FAR1: variants seen among roughly 807,000 people sequenced by gnomAD.
FAR1 encodes the protein fatty acyl-CoA reductase 1.
Under a neutral mutation model 61.1 loss-of-function variants are expected in FAR1, and 22 were observed. That is an observed-to-expected ratio of 0.36 (90% confidence interval 0.26 to 0.51). The LOEUF (loss-of-function observed/expected upper bound fraction) is 0.51. Among genes scored for constraint, FAR1 ranks in the 20% least tolerant of loss-of-function variants. The pLI, the probability that FAR1 is intolerant of heterozygous loss-of-function variation, is 0.95. For missense variants in FAR1, 359 were observed against 626.9 expected (o/e 0.57, Z 4.56); for synonymous variants, 206 against 209.7 (o/e 0.98, Z 0.15).
Position 13,721,908 on chromosome 11 carries a change from T to C in FAR1, c.1257+49T>C. On this transcript the variant is annotated intron_variant, in intron 10 of 11. Coordinates refer to ENST00000354817, the MANE Select transcript of FAR1 (RefSeq NM_032228.6). The surrounding 1 kb of genome is among the most constrained non-coding windows in gnomAD (Gnocchi z 4.2). ...TATTAGAAAATAAGTAGCATACTAA[T>C]TACAGAACTATTAGCAACCTGAGAA... 2.0e-6 allele frequency: 3 copies of C among 1,477,006 alleles called. No homozygotes were observed. The highest frequency in any genetic ancestry group is 2.8e-6 in the Non-Finnish European group (3 of 1,087,488). 91.5% of individuals were successfully genotyped at this position (1,477,006 alleles called of 1,614,324 possible).
chr11:13,678,164 T>C (rs1848087809), intron 1 of FAR1, among the ~76,000 whole-genome samples: 1 of 152,236 alleles, frequency 6.6e-6, no homozygotes, highest in Non-Finnish European at 1.5e-5. Context: ...GGAATACAAA[T>C]TGAAGTTTTT....
intron 3 of FAR1, among the ~76,000 whole-genome samples, chr11:13,707,287 T>A (rs12275390): frequency 0.034 from 5,117 of 152,228 alleles, 111 homozygotes; most frequent in Non-Finnish European, 0.047. Flanking sequence ...TATTTTGGGG[T>A]CTTGCATATG....
rs1339352999 is a variant in FAR1, at chr11:13,730,420, C to G, written c.*1646C>G. On this transcript the variant is annotated 3_prime_UTR_variant, in exon 12 of 12. Transcript: ENST00000354817. ...TTAAAAGAAATATGTATATAAATAT[C>G]TCTATATTCTTTGGAATGATACTAA... 1.3e-5 allele frequency: 2 copies of G among 152,118 alleles called. No homozygotes were observed. Among genetic ancestry groups the G allele is most frequent in the Non-Finnish European group, 2.9e-5 (2 of 67,884 alleles). 9.4% of individuals were successfully genotyped at this position (152,118 alleles called of 1,614,324 possible).
intron 10 of FAR1, among the ~76,000 whole-genome samples, chr11:13,726,382 G>C (rs1029388279): frequency 1.3e-5 from 2 of 152,014 alleles, no homozygotes; most frequent in African/African-American, 4.8e-5. Context: ...GCTGATGTCA[G>C]ATTGTCTCAG....
chr11:13,727,099 G>A (rs973503677), intron 10 of FAR1, among the ~76,000 whole-genome samples: 14 of 151,856 alleles, frequency 9.2e-5, no homozygotes. Context: ...AACATATCTT[G>A]ATGTCAGAGA....
At chr11:13,688,496 T>C (rs1479986518) in intron 1 of FAR1, among the ~76,000 whole-genome samples, 1 of 152,178 alleles carries the variant, frequency 6.6e-6, no homozygotes, top group African/African-American at 2.4e-5. Flanking sequence ...GGGTTTTTTT[T>C]AGGGTTGAAC....
At chr11:13,701,524 A>C (rs954685806) in intron 3 of FAR1, among the ~76,000 whole-genome samples, 6 of 152,124 alleles carry the variant, frequency 3.9e-5, no homozygotes, top group African/African-American at 1.4e-4. Flanking sequence ...CTGTCTCTAT[A>C]AGCAAAATAT....
chr11:13,707,836 A>G, intron 3 of FAR1, 64 bp from the exon 4 acceptor site: 1 of 1,232,922 alleles, frequency 8.1e-7, no homozygotes, highest in Admixed American at 3.1e-5. Context: ...TGAAAATGAT[A>G]TTTTTAACAG....
At chr11:13,680,528 G>A (rs1848116383) in intron 1 of FAR1, among the ~76,000 whole-genome samples, 1 of 152,212 alleles carries the variant, frequency 6.6e-6, no homozygotes, top group Admixed American at 6.5e-5. Flanking sequence ...AAGAAGCACG[G>A]CATCAGTATC....
At chr11:13,718,417 G>A (rs958220398) in intron 9 of FAR1, among the ~76,000 whole-genome samples, 3 of 152,104 alleles carry the variant, frequency 2.0e-5, no homozygotes, top group Non-Finnish European at 4.4e-5. Context: ...ATAACCAGAG[G>A]TGACAGTTTG....
At chr11:13,674,202 G>A (rs963568249) in intron 1 of FAR1, among the ~76,000 whole-genome samples, 15 of 151,664 alleles carry the variant, frequency 9.9e-5, no homozygotes, top group Admixed American at 7.9e-4. Context: ...CCAGCTACTC[G>A]GGAGGCTGAG....
chr11:13,674,844 G>C (rs1227018257), intron 1 of FAR1, among the ~76,000 whole-genome samples: 1 of 152,102 alleles, frequency 6.6e-6, no homozygotes, highest in Non-Finnish European at 1.5e-5. Flanking sequence ...GTTCTGTATT[G>C]GATAGATGTA....
chr11:13,719,072 C>T (rs1178002554), intron 9 of FAR1, among the ~76,000 whole-genome samples: 1 of 152,162 alleles, frequency 6.6e-6, no homozygotes, highest in Non-Finnish European at 1.5e-5. Context: ...ACTTCCACCT[C>T]ATTCTGTTGG....
chr11:13,704,044 CAAAAAAA>C (rs55995847), intron 3 of FAR1, among the ~76,000 whole-genome samples: 5 of 79,630 alleles, frequency 6.3e-5, no homozygotes, highest in South Asian at 4.0e-4. Flanking sequence ...AACTCCGTCT[CAAAAAAA>C]AAAAAAAAAA....
chr11:13,719,781 A>G (rs1848590176), intron 9 of FAR1: 1 of 152,214 alleles, frequency 6.6e-6, no homozygotes, highest in South Asian at 2.1e-4. Flanking sequence ...AGCATGCAAG[A>G]TAGCCCTCCA....
At chr11:13,725,705 T>A (rs1848661572) in intron 10 of FAR1, among the ~76,000 whole-genome samples, 1 of 152,182 alleles carries the variant, frequency 6.6e-6, no homozygotes, top group South Asian at 2.1e-4. Context: ...TCCATTCTTT[T>A]ATTTTCAGTC....
At position 13,730,383 on chromosome 11, in the gene FAR1, T is replaced by G. The variant is rs1454842433; in HGVS notation, c.*1609T>G. ...AGCCAGATTTTCTGTAGTAAAACTTTTAAATATTATTTTAAAAGAAATATG... is the reference window on the plus strand; with the variant it reads ...AGCCAGATTTTCTGTAGTAAAACTTGTAAATATTATTTTAAAAGAAATATG... On this transcript the variant is annotated 3_prime_UTR_variant, in exon 12 of 12. Coordinates refer to ENST00000354817, the MANE Select transcript of FAR1 (RefSeq NM_032228.6). 6.6e-6 allele frequency: 1 copy of G among 152,444 alleles called. No individual in the cohort carries two copies. The highest frequency in any genetic ancestry group is 2.4e-5 in the African/African-American group (1 of 41,442). 9.4% of individuals were successfully genotyped at this position (152,444 alleles called of 1,614,324 possible).
chr11:13,699,116 A>AAC (rs1040519446), intron 2 of FAR1, among the ~76,000 whole-genome samples: 14 of 152,178 alleles, frequency 9.2e-5, no homozygotes, highest in South Asian at 2.1e-4. Context: ...TTTTGTCCCT[A>AAC]ACACACACAC....
chr11:13,710,821 C>CAT lies in FAR1; in HGVS notation c.675_676insTA (p.Ile226Ter). The CAT allele has an allele frequency of 2.5e-6, 4 of 1,612,770 alleles. No individual in the cohort carries two copies. The highest frequency in any genetic ancestry group is 2.5e-6 in the Non-Finnish European group (3 of 1,179,414). On this transcript the variant is annotated frameshift_variant, in exon 5 of 12. Coordinates refer to ENST00000354817, the MANE Select transcript of FAR1 (RefSeq NM_032228.6). LOFTEE classifies it high-confidence loss of function. The stretch of plus-strand genomic sequence containing the variant: ...CAAGAAGGAGCAAAACTAAATGTGG[C>CAT]AATTGTAAGGCCATCGATTGTTGGT...
Sources: gnomAD v4.1 joint callset for allele counts (sites outside exome capture counted in the v4.1 genomes callset) on GRCh38, gnomAD v4.1.1 for gene constraint, Gnocchi (gnomAD v3.1) non-coding constraint, MANE v1.5 for transcripts, NCBI Gene and HGNC (gene_info 2026-07-23, HGNC 2026-07-21) for gene names.